MINK1: variants seen among roughly 807,000 people sequenced by gnomAD.
MINK1 encodes misshapen like kinase 1.
MINK1 carries 46 observed loss-of-function variants against 178.4 expected under a neutral mutation model. The observed-to-expected ratio is 0.26, with a 90% CI of 0.20 to 0.33. MINK1 has a LOEUF of 0.33. Ranked by LOEUF, MINK1 falls within the 10% of genes least tolerant of loss-of-function variation. The pLI, the probability that MINK1 is intolerant of heterozygous loss-of-function variation, is 1.00. For synonymous variants in MINK1, 797 were observed against 709.7 expected (o/e 1.12, Z -1.96); for missense variants, 1,366 against 1,814.9 (o/e 0.75, Z 4.49).
rs1316986116 is a variant in MINK1 at position 4,895,318 on chromosome 17, G to C, written c.3086-32G>C. ...CCTGGTTAGGTGAGGGCCTGGCTGA[G>C]CCTCTGACCTGCCCAAGGGCTCCTG... On this transcript the variant is annotated intron_variant, in intron 25 of 31. Coordinates refer to ENST00000355280, the MANE Select transcript of MINK1 (RefSeq NM_153827.5). This position sits in a 1 kb window ranked among gnomAD's most constrained non-coding sequence, Gnocchi z 4.3. 6.2e-7 allele frequency: 1 copy of C among 1,603,934 alleles called. No homozygotes were observed. The highest frequency in any genetic ancestry group is 1.3e-5 in the African/African-American group (1 of 74,764).
chr17:4,859,144 A>T, intron 1 of MINK1: 1 of 985,380 alleles, frequency 1.0e-6, no homozygotes, highest in Non-Finnish European at 1.2e-6. Flanking sequence ...CACAGGAGAG[A>T]CCAGTCCTTC....
In MINK1 at chr17:4,893,061, G is replaced by T; in HGVS notation, c.2394G>T (p.Arg798=). 6.4e-7 allele frequency: 1 copy of T among 1,561,502 alleles called. No individual in the cohort carries two copies. Residue 798 remains arginine, a synonymous_variant, in exon 20 of 32, where the codon CGG becomes CGT. Transcript: ENST00000355280. ...KPDDHRSRPG[R]PADFVLLKER... is the part of the protein sequence containing the mutation. ...ACGACCACCGCTCACGGCCAGGCCG[G>T]CCCGCAGTGAGTCACCTGGTGGCAG...
In MINK1 at chr17:4,890,696, G is replaced by A. The variant is rs1419594627; in HGVS notation, c.1527G>A (p.Arg509=). 1 of 1,549,450 alleles carries A rather than the reference G, an allele frequency of 6.5e-7. No homozygotes were observed. Among genetic ancestry groups the A allele is most frequent in the East Asian group, 2.4e-5 (1 of 40,894 alleles). Residue 509 remains arginine (R), a synonymous_variant, in exon 14 of 32, where the codon CGG becomes CGA. Coordinates refer to ENST00000355280, the MANE Select transcript of MINK1 (RefSeq NM_153827.5). ...GGAAGCCCCTGTACCATTATGGTCGGGGCATGAATCCCGCTGACAAACCAG... is the reference window on the plus strand; with the variant it reads ...GGAAGCCCCTGTACCATTATGGTCGAGGCATGAATCCCGCTGACAAACCAG... The part of the protein sequence containing the change: ...GDRKPLYHYG[R]GMNPADKPAW...
At chr17:4,879,465 G>T (rs1967501741) in intron 2 of MINK1, among the ~76,000 whole-genome samples, 1 of 152,180 alleles carries the variant, frequency 6.6e-6, no homozygotes, top group Non-Finnish European at 1.5e-5. Flanking sequence ...GGGGAAACAG[G>T]CACCCCACCC....
rs543028059 is a variant in MINK1 at position 4,893,064 on chromosome 17, C to T, written c.2397C>T (p.Pro799=). The change falls in exon 20 of 32, where the codon CCC becomes CCT. Residue 799 remains proline (P), a synonymous_variant. Coordinates refer to ENST00000355280, the MANE Select transcript of MINK1 (RefSeq NM_153827.5). Reference sequence around the variant, plus strand: ...ACCACCGCTCACGGCCAGGCCGGCCCGCAGTGAGTCACCTGGTGGCAGGCA... The same window carrying T: ...ACCACCGCTCACGGCCAGGCCGGCCTGCAGTGAGTCACCTGGTGGCAGGCA... ...PDDHRSRPGR[P]ADFVLLKERT... The T allele has an allele frequency of 1.9e-5, 29 of 1,560,354 alleles. No individual in the cohort carries two copies. Among genetic ancestry groups the T allele is most frequent in the Middle Eastern group, 1.7e-4 (1 of 6,026 alleles).
At chr17:4,849,363 CT>C (rs1330419797) in intron 1 of MINK1, among the ~76,000 whole-genome samples, 1 of 152,136 alleles carries the variant, frequency 6.6e-6, no homozygotes, top group African/African-American at 2.4e-5. Context: ...GGACACACAG[CT>C]TTGTTGGGAT....
At chr17:4,863,882 C>T (rs868479668) in intron 1 of MINK1, among the ~76,000 whole-genome samples, 4 of 151,968 alleles carry the variant, frequency 2.6e-5, no homozygotes, top group Admixed American at 1.3e-4. Flanking sequence ...CTTCGCCTCC[C>T]GGGTTCAAGA....
At chr17:4,866,944 G>A (rs1915072559) in intron 1 of MINK1, among the ~76,000 whole-genome samples, 1 of 151,098 alleles carries the variant, frequency 6.6e-6, no homozygotes, top group Non-Finnish European at 1.5e-5. Context: ...GTGGTGGCGG[G>A]CGCCTGTAGT....
In MINK1 at chr17:4,891,736, C is replaced by T. The variant is rs753866110; in HGVS notation, c.2001+20C>T. 4 of 1,587,706 alleles carry T rather than the reference C, an allele frequency of 2.5e-6. No homozygotes were observed. The highest frequency in any genetic ancestry group is 3.3e-4 in the Middle Eastern group (2 of 5,984). On this transcript the variant is annotated intron_variant, in intron 16 of 31. Transcript: ENST00000355280. ...CCCAAGGTAAGGACAGTTCTGCAGG[C>T]CCAGGGAAAAGCAGAGAGCTAGTCA... is the stretch of plus-strand genomic sequence containing the variant.
chr17:4,889,422 GCAGT>G (rs1429341882), intron 12 of MINK1, among the ~76,000 whole-genome samples: 1 of 152,158 alleles, frequency 6.6e-6, no homozygotes, highest in Non-Finnish European at 1.5e-5. Context: ...CCCACAGGCA[GCAGT>G]CAGTCTCACA....
intron 1 of MINK1, among the ~76,000 whole-genome samples, chr17:4,843,157 AG>A (rs1910506155): frequency 6.6e-6 from 1 of 152,150 alleles, no homozygotes; most frequent in South Asian, 2.1e-4. Flanking sequence ...GAAGCAGGGT[AG>A]GGGGAACAGG....
chr17:4,893,384 T>C, intron 20 of MINK1, 50 bp from the exon 21 acceptor site: 1 of 1,604,748 alleles, frequency 6.2e-7, no homozygotes, highest in Non-Finnish European at 8.5e-7. Flanking sequence ...TTTGTCTACC[T>C]CCACCCAGGC....
Position 4,890,562 on chromosome 17 carries a change from C to G in MINK1, c.1393C>G (p.Leu465Val). Residue 465 changes from leucine (L) to valine (V), a missense_variant, in exon 14 of 32, where the codon CTC becomes GTC. Transcript: ENST00000355280. ...QLEEQRQSER[L>V]QRQLQQEHAY... ...GGAGGAGCAGCGGCAGTCAGAACGT[C>G]TCCAGAGGCAGCTGCAGCAGGAGCA... The G allele has an allele frequency of 6.3e-7, 1 of 1,586,500 alleles. No individual in the cohort carries two copies. The highest frequency in any genetic ancestry group is 8.6e-7 in the Non-Finnish European group (1 of 1,167,170).
chr17:4,865,828 G>A (rs1914880853), intron 1 of MINK1, among the ~76,000 whole-genome samples: 1 of 151,818 alleles, frequency 6.6e-6, no homozygotes, highest in African/African-American at 2.4e-5. Context: ...CCAGGAGTTC[G>A]AGGCTACAGT....
In MINK1 at chr17:4,895,500, G is replaced by A. The variant is rs971903206; in HGVS notation, c.3229+7G>A. On this transcript the variant is annotated splice_region_variant and intron_variant, in intron 26 of 31. Coordinates refer to ENST00000355280, the MANE Select transcript of MINK1 (RefSeq NM_153827.5). This position sits in a 1 kb window ranked among gnomAD's most constrained non-coding sequence, Gnocchi z 4.3. ...CTGCTCATCACCATCTCAGGTACAGGTGTGGTGAGTGGGGGAGGGAGGAGG... is the reference window on the plus strand; with the variant it reads ...CTGCTCATCACCATCTCAGGTACAGATGTGGTGAGTGGGGGAGGGAGGAGG... 1 of 1,570,376 alleles carries A rather than the reference G, an allele frequency of 6.4e-7. No individual in the cohort carries two copies. Among genetic ancestry groups the A allele is most frequent in the South Asian group, 1.2e-5 (1 of 83,770 alleles).
At chr17:4,888,551 T>TCG (rs1968439669) in intron 12 of MINK1, among the ~76,000 whole-genome samples, 1 of 151,500 alleles carries the variant, frequency 6.6e-6, no homozygotes, top group Admixed American at 6.6e-5. Flanking sequence ...GGCAGGAGAA[T>TCG]CGCTTGAACC....
chr17:4,881,524 G>A (rs528192519), intron 4 of MINK1, among the ~76,000 whole-genome samples: 1 of 152,318 alleles, frequency 6.6e-6, no homozygotes, highest in African/African-American at 2.4e-5. Context: ...CCTAACCAGT[G>A]TCTCACACTG....
chr17:4,888,351 T>C (rs151223949), intron 12 of MINK1, among the ~76,000 whole-genome samples: 55 of 152,252 alleles, frequency 3.6e-4, no homozygotes, highest in African/African-American at 1.3e-3. Context: ...TTTGAAAATA[T>C]AGGCCAGGTG....
rs112125089 is a variant in MINK1 at position 4,894,094 on chromosome 17, G to A, written c.2670+1G>A. The A allele has an allele frequency of 1.9e-6, 3 of 1,595,180 alleles. No individual in the cohort carries two copies. Among genetic ancestry groups the A allele is most frequent in the South Asian group, 1.1e-5 (1 of 89,572 alleles). ...GGGCGGCACCATGGTGGTCCAGCGC[G>A]TGAGTGAGCCTCTGCTCCCTCCCCT... On this transcript the variant is annotated splice_donor_variant, in intron 22 of 31. Transcript: ENST00000355280. LOFTEE classifies it high-confidence loss of function. The surrounding 1 kb of genome is among the most constrained non-coding windows in gnomAD (Gnocchi z 4.1).
Sources: gnomAD v4.1 joint callset for allele counts (sites outside exome capture counted in the v4.1 genomes callset) on GRCh38, gnomAD v4.1.1 for gene constraint, Gnocchi (gnomAD v3.1) non-coding constraint, MANE v1.5 for transcripts, NCBI Gene and HGNC (gene_info 2026-07-23, HGNC 2026-07-21) for gene names.